ASGR1: variants seen among roughly 807,000 people sequenced by gnomAD.
ASGR1 encodes the protein C-type lectin domain family 4 member H1.
ASGR1 carries 35 observed loss-of-function variants against 33.1 expected under a neutral mutation model. That is an observed-to-expected ratio of 1.06 (90% CI 0.81 to 1.40). The LOEUF (loss-of-function observed/expected upper bound fraction) is 1.40, where lower values mean the gene tolerates loss of function less well. Ranked by LOEUF, ASGR1 falls within the 40% of genes most tolerant of loss-of-function variation. The pLI is 0.00. For synonymous variants in ASGR1, 142 were observed against 152.5 expected (o/e 0.93, Z 0.51); for missense variants, 396 against 373.7 (o/e 1.06, Z -0.49).
chr17:7,176,364 C>A (rs1410920373), intron 5 of ASGR1, among the ~76,000 whole-genome samples: 3 of 148,278 alleles, frequency 2.0e-5, no homozygotes, highest in East Asian at 2.0e-4. Context: ...ACACACACAC[C>A]CCATCTCATT....
Position 7,175,882 on chromosome 17 carries a change from CACAG to C in ASGR1, c.355+944_355+947del, listed in dbSNP as rs373428841. On this transcript the variant is annotated intron_variant, in intron 5 of 8. Transcript: ENST00000269299. ...CACTCCCACTCCTCACACACAGTCTCACAGACACTCCATCTCATTCTCACACTCA... is the reference window on the plus strand; with the variant it reads ...CACTCCCACTCCTCACACACAGTCTCACACTCCATCTCATTCTCACACTCA... Among the ~76,000 whole-genome samples, 566 of 146,552 alleles carry C rather than the reference CACAG, an allele frequency of 3.9e-3. 3 individuals are homozygous for C. The highest frequency in any genetic ancestry group is 0.012 in the Middle Eastern group (3 of 246).
chr17:7,176,684 C>T (rs12944229), intron 5 of ASGR1, 146 bp downstream of exon 5: 1 of 1,209,822 alleles, frequency 8.3e-7, no homozygotes, highest in Non-Finnish European at 1.2e-6. Flanking sequence ...ACACACTCCC[C>T]CTCATTCTCA....
Position 7,177,085 on chromosome 17 carries a change from G to C in ASGR1, c.188-9C>G, listed in dbSNP as rs1243193067. The C allele has an allele frequency of 5.0e-6, 8 of 1,613,620 alleles. No individual in the cohort carries two copies. Among genetic ancestry groups the C allele is most frequent in the African/African-American group, 4.0e-5 (3 of 74,824 alleles). ...CTCCTGCAGCTGGGAGTCTGGCCAG[G>C]ACAGCGTGCAGAGAGAAGAAAACGG... On this transcript the variant is annotated splice_polypyrimidine_tract_variant and intron_variant, in intron 3 of 8. Transcript: ENST00000269299.
Position 7,174,461 on chromosome 17 carries a change from C to T in ASGR1, c.356-1G>A. The T allele has an allele frequency of 1.2e-6, 2 of 1,612,148 alleles. No homozygotes were observed. The highest frequency in any genetic ancestry group is 1.7e-6 in the Non-Finnish European group (2 of 1,179,192). On this transcript the variant is annotated splice_acceptor_variant, in intron 5 of 8. Coordinates refer to ENST00000269299, the MANE Select transcript of ASGR1 (RefSeq NM_001671.5). LOFTEE classifies it high-confidence loss of function. Reference sequence around the variant, plus strand: ...ACGTGGAGCAGCAGGCTGGAGTGATCTGGGGAGACCGGGCGGAGGGGAGCG... The same window carrying T: ...ACGTGGAGCAGCAGGCTGGAGTGATTTGGGGAGACCGGGCGGAGGGGAGCG...
At position 7,173,755 on chromosome 17, in the gene ASGR1, G is replaced by C. The variant is rs761828049; in HGVS notation, c.780C>G (p.Asp260Glu). ...AGACGTCGTCGTTCCAGCGGCCGTCGTCGGTGAAGTGGGCACAGTCCTCGC... is the reference window on the plus strand; with the variant it reads ...AGACGTCGTCGTTCCAGCGGCCGTCCTCGGTGAAGTGGGCACAGTCCTCGC... Reference protein sequence around the residue: ...GGGEDCAHFTDDGRWNDDVCQ... With the variant: ...GGGEDCAHFTEDGRWNDDVCQ... Residue 260 changes from aspartate to glutamate, a missense_variant, in exon 9 of 9, where the codon GAC becomes GAG. By Grantham distance (45) the Asp-to-Glu change is conservative. Transcript: ENST00000269299. The surrounding 1 kb of genome is among the most constrained non-coding windows in gnomAD (Gnocchi z 4.7). 6 of 1,613,430 alleles carry C rather than the reference G, an allele frequency of 3.7e-6. No individual in the cohort carries two copies. The highest frequency in any genetic ancestry group is 2.7e-5 in the African/African-American group (2 of 74,936).
In ASGR1 at chr17:7,174,290, C is replaced by T. The variant is rs1252204038; in HGVS notation, c.443-1G>A. ...ACCGGGCAGCAGGTCCTTTCTGAGC[C>T]TGAGCGGGAGAAACGGGGCGCAGGG... On this transcript the variant is annotated splice_acceptor_variant, in intron 6 of 8. Transcript: ENST00000269299. LOFTEE classifies it high-confidence loss of function. 1 of 1,613,674 alleles carries T rather than the reference C, an allele frequency of 6.2e-7. No homozygotes were observed. The highest frequency in any genetic ancestry group is 1.3e-5 in the African/African-American group (1 of 74,932).
intron 5 of ASGR1, chr17:7,176,565 C>T (rs2069214240): frequency 1.9e-6 from 1 of 523,390 alleles, no homozygotes; most frequent in Non-Finnish European, 3.4e-6. Flanking sequence ...ACACACACCT[C>T]ATTCTCACAC....
In ASGR1 at chr17:7,178,549, A is replaced by C; in HGVS notation, c.15T>G (p.Tyr5Ter). ...CATTGTCCAGATGCTGAAGGTCTTG[A>C]TACTCCTTGGTCATGATAGGGCTGG... MTKE[Y>*]QDLQHLDNEE... Residue 5 changes from tyrosine (Y) to a stop codon, truncating the protein, a stop_gained, in exon 2 of 9, where the codon TAT becomes TAG. Coordinates refer to ENST00000269299, the MANE Select transcript of ASGR1 (RefSeq NM_001671.5). LOFTEE classifies it high-confidence loss of function. The C allele has an allele frequency of 6.2e-7, 1 of 1,613,902 alleles. No individual in the cohort carries two copies.
At chr17:7,176,541 T>G in intron 5 of ASGR1, 1 of 365,172 alleles carries the variant, frequency 2.7e-6, no homozygotes. Flanking sequence ...ACACACACCA[T>G]CTCATTCTCA....
At chr17:7,178,363 T>C in intron 2 of ASGR1, 131 bp downstream of exon 2, 1 of 963,768 alleles carries the variant, frequency 1.0e-6, no homozygotes, top group Non-Finnish European at 1.6e-6. Context: ...TCCGACACCT[T>C]TCCCAGTGTT....
At position 7,177,075 on chromosome 17, in the gene ASGR1, G is replaced by T. The variant is rs1293917355; in HGVS notation, c.189C>A (p.Asn63Lys). The T allele has an allele frequency of 1.9e-6, 3 of 1,613,786 alleles. No individual in the cohort carries two copies. In the African/African-American group the frequency reaches 4.0e-5, roughly 22 times the overall value. ...LVVVCVIGSQ[N>K]SQLQEELRGL... ...CCCGCAGCTCCTCCTGCAGCTGGGA[G>T]TCTGGCCAGGACAGCGTGCAGAGAG... Residue 63 changes from asparagine (N) to lysine (K), a missense_variant and splice_region_variant, in exon 4 of 9, where the codon AAC becomes AAA. By Grantham distance (94) the Asn-to-Lys change is moderately conservative. Coordinates refer to ENST00000269299, the MANE Select transcript of ASGR1 (RefSeq NM_001671.5).
At chr17:7,175,531 T>A (rs1348925052) in intron 5 of ASGR1, among the ~76,000 whole-genome samples, 1 of 149,416 alleles carries the variant, frequency 6.7e-6, no homozygotes, top group African/African-American at 2.5e-5. Flanking sequence ...CTTTCACACA[T>A]GCACACACAA....
At chr17:7,177,809 G>A (rs1481397299) in intron 2 of ASGR1, 1 of 166,580 alleles carries the variant, frequency 6.0e-6, no homozygotes, top group Non-Finnish European at 1.3e-5. Context: ...CACCCAGCAG[G>A]GGGAAGAGAC....
At position 7,176,687 on chromosome 17, in the gene ASGR1, C is replaced by T. The variant is rs1181904047; in HGVS notation, c.355+143G>A. The T allele has an allele frequency of 4.8e-6, 6 of 1,248,122 alleles. No homozygotes were observed. In the African/African-American group the frequency reaches 9.0e-5, roughly 19 times the overall value. The allele number at this position is 1,248,122 out of a possible 1,614,324, so 77.3% of individuals were successfully genotyped here. A position where few individuals can be genotyped will look rare whatever the true frequency, so the allele number is the denominator to read the frequency against. ...CACACACCCAAAACACACTCCCCCT[C>T]ATTCTCACACACAGACTCACACACA... On this transcript the variant is annotated intron_variant, in intron 5 of 8. Coordinates refer to ENST00000269299, the MANE Select transcript of ASGR1 (RefSeq NM_001671.5).
intron 7 of ASGR1, 21 bp from the exon 8 acceptor site, chr17:7,174,088 T>C (rs768074691): frequency 4.3e-6 from 7 of 1,613,936 alleles, no homozygotes; most frequent in Non-Finnish European, 5.9e-6. Context: ...AGAAGGCGGG[T>C]GGTGATCTCT....
rs777416579 is a variant in ASGR1 at position 7,177,210 on chromosome 17, T to C, written c.187A>G (p.Asn63Asp). ...CCCTTCCCACCCCTGGGGCACCCACTTTGGGATCCGATCACACAGACAACC... is the reference window on the plus strand; with the variant it reads ...CCCTTCCCACCCCTGGGGCACCCACCTTGGGATCCGATCACACAGACAACC... Reference protein sequence around the residue: ...LVVVCVIGSQNSQLQEELRGL... With the variant: ...LVVVCVIGSQDSQLQEELRGL... The change falls in exon 3 of 9, where the codon AAC becomes GAC. Residue 63 changes from asparagine (N) to aspartate (D), a missense_variant and splice_region_variant. Physicochemically the swap from Asn to Asp is conservative, Grantham distance 23. Transcript: ENST00000269299. 6.2e-7 allele frequency: 1 copy of C among 1,612,654 alleles called. No individual in the cohort carries two copies. The highest frequency in any genetic ancestry group is 1.1e-5 in the South Asian group (1 of 90,934).
In ASGR1 at chr17:7,176,935, C is replaced by A. The variant is rs776318857; in HGVS notation, c.284-34G>T. 7.5e-6 allele frequency: 12 copies of A among 1,609,120 alleles called. No homozygotes were observed. The South Asian group carries it at 1.3e-4, about 18-fold the overall frequency. On this transcript the variant is annotated intron_variant, in intron 4 of 8. Transcript: ENST00000269299. Reference sequence around the variant, plus strand: ...GAGGCTCGCTCAGCGTTCCCGACAGCCCCCCAGCCCCAGCCCCAGCCCCAG... The same window carrying A: ...GAGGCTCGCTCAGCGTTCCCGACAGACCCCCAGCCCCAGCCCCAGCCCCAG...
intron 5 of ASGR1, 31 bp downstream of exon 5, chr17:7,176,799 C>T (rs1788332946): frequency 6.3e-7 from 1 of 1,587,308 alleles, no homozygotes; most frequent in Non-Finnish European, 8.6e-7. Context: ...CTTTCACACA[C>T]ACACACACAC....
Position 7,173,907 on chromosome 17 carries a change from G to T in ASGR1, c.701+54C>A. On this transcript the variant is annotated intron_variant, in intron 8 of 8. Coordinates refer to ENST00000269299, the MANE Select transcript of ASGR1 (RefSeq NM_001671.5). The surrounding 1 kb of genome is among the most constrained non-coding windows in gnomAD (Gnocchi z 4.7). ...GGTCGCTCCAGACTCCTCAGCCCAG[G>T]GCCCCAGGGCGCGAAGGCGGCCGGA... The T allele has an allele frequency of 3.1e-6, 5 of 1,611,512 alleles. No individual in the cohort carries two copies. Among genetic ancestry groups the T allele is most frequent in the Non-Finnish European group, 4.2e-6 (5 of 1,179,210 alleles).
Sources: gnomAD v4.1 joint callset for allele counts (sites outside exome capture counted in the v4.1 genomes callset) on GRCh38, gnomAD v4.1.1 for gene constraint, Gnocchi (gnomAD v3.1) non-coding constraint, MANE v1.5 for transcripts, NCBI Gene and HGNC (gene_info 2026-07-23, HGNC 2026-07-21) for gene names.